Variants in ZNF682 observed in about 807,000 individuals in gnomAD.
ZNF682 encodes zinc finger protein 682.
A neutral mutation model predicts 36.5 loss-of-function variants in ZNF682; 29 were observed. The observed-to-expected ratio is 0.80, with a 90% CI of 0.59 to 1.08. The LOEUF is 1.08. ZNF682 is among the 50% of genes least tolerant of loss of function. The pLI is 0.00. For missense variants in ZNF682, 561 were observed against 579.7 expected (o/e 0.97, Z 0.33); for synonymous variants, 180 against 197.0 (o/e 0.91, Z 0.72).
In ZNF682 at chr19:20,018,078, C is replaced by CTTTTT. The variant is rs71172554; in HGVS notation, c.226+4921_226+4925dup. 6.0e-4 allele frequency among the ~76,000 whole-genome samples: 35 copies of CTTTTT among 58,678 alleles called. 3 individuals carry two copies. The highest frequency in any genetic ancestry group is 1.9e-3 in the East Asian group (3 of 1,598). The allele number at this position is 58,678 out of a possible 152,430, so 38.5% of individuals were successfully genotyped here. On this transcript the variant is annotated intron_variant, in intron 3 of 3. Transcript: ENST00000397165. The stretch of plus-strand genomic sequence containing the variant: ...GAAATATAGTTAAGATTCTCAAATT[C>CTTTTT]TTTTTTTTTTTTTTTTTTTTTTTTT...
chr19:19,997,415 T>A (rs17699447), intron 3 of ZNF682, among the ~76,000 whole-genome samples: 9,633 of 152,262 alleles, frequency 0.063, 508 homozygotes, highest in East Asian at 0.19. Flanking sequence ...TTGTTCTTCA[T>A]TGGTGAACCA....
intron 1 of ZNF682, among the ~76,000 whole-genome samples, chr19:20,035,564 C>T (rs1366172798): frequency 6.6e-6 from 1 of 151,986 alleles, no homozygotes; most frequent in Admixed American, 6.6e-5. Context: ...TTAGGATAAA[C>T]AATTTTAACA....
At chr19:20,008,502 C>T (rs1472649743) in intron 3 of ZNF682, among the ~76,000 whole-genome samples, 2 of 152,170 alleles carry the variant, frequency 1.3e-5, no homozygotes, top group East Asian at 3.9e-4. Context: ...ACCCATGGTG[C>T]AATTGCCCTG....
chr19:20,011,673 T>C (rs953309918), intron 3 of ZNF682, among the ~76,000 whole-genome samples: 4 of 152,178 alleles, frequency 2.6e-5, no homozygotes, highest in African/African-American at 7.2e-5. Context: ...AAAATTAAAC[T>C]TGTTCCTGAA....
In ZNF682 at chr19:19,998,072, C is replaced by A. The variant is rs1027607571; in HGVS notation, c.227-809G>T. Among the ~76,000 whole-genome samples, 6 of 152,296 alleles carry A rather than the reference C, an allele frequency of 3.9e-5. No individual in the cohort carries two copies. The East Asian group carries it at 7.7e-4, about 20-fold the overall frequency. ...CTTACACTCACCCTGTGCCAGCTAC[C>A]CTGGTGGACCCAACATGTGGTACAG... On this transcript the variant is annotated intron_variant, in intron 3 of 3. Transcript: ENST00000596019.
chr19:20,039,152 G>A, intron 1 of ZNF682, 191 bp downstream of exon 1: 4 of 1,398,068 alleles, frequency 2.9e-6, no homozygotes, highest in Non-Finnish European at 3.7e-6. Context: ...TGCCCGCCCA[G>A]GGTCCCGGCT....
At chr19:20,036,989 AAATCAATC>A (rs943855504) in intron 1 of ZNF682, among the ~76,000 whole-genome samples, 12 of 152,124 alleles carry the variant, frequency 7.9e-5, no homozygotes, top group African/African-American at 2.9e-4. Context: ...TGTCTCAAAA[AAATCAATC>A]AATCAATAAT....
intron 1 of ZNF682, among the ~76,000 whole-genome samples, chr19:20,028,819 G>A (rs551320097): frequency 6.6e-6 from 1 of 152,258 alleles, no homozygotes; most frequent in South Asian, 2.1e-4. Context: ...TGGAGCATGC[G>A]CTGTGTGCTC....
chr19:20,016,335 C>T (rs1004639142), intron 3 of ZNF682, among the ~76,000 whole-genome samples: 10 of 151,944 alleles, frequency 6.6e-5, no homozygotes, highest in African/African-American at 1.7e-4. Flanking sequence ...AATGATTCTT[C>T]GGAAATCAAT....
intron 1 of ZNF682, chr19:20,034,069 T>C (rs575357863): frequency 2.0e-4 from 31 of 154,536 alleles, no homozygotes; most frequent in Middle Eastern, 7.0e-4. Context: ...AAGAAAGAAA[T>C]TGAAAGCATA....
chr19:20,017,264 G>A (rs532524060), intron 3 of ZNF682, among the ~76,000 whole-genome samples: 28 of 152,242 alleles, frequency 1.8e-4, no homozygotes, highest in African/African-American at 6.5e-4. Flanking sequence ...CTTTAAAAAA[G>A]TAAAATAGCT....
intron 3 of ZNF682, chr19:20,007,476 T>C: frequency 1.9e-6 from 1 of 523,112 alleles, no homozygotes; most frequent in Non-Finnish European, 3.3e-6. Context: ...AAAAGCTTAA[T>C]TCAGAGGTAA....
At chr19:20,034,557 T>A (rs1376155864) in intron 1 of ZNF682, among the ~76,000 whole-genome samples, 2 of 151,886 alleles carry the variant, frequency 1.3e-5, no homozygotes, top group Non-Finnish European at 2.9e-5. Flanking sequence ...GGCGGACGGA[T>A]CACCTGAGGT....
At chr19:19,997,261 T>C (rs1229076911) in exon 4 of ZNF682, 1 of 398,476 alleles carries the variant, frequency 2.5e-6, no homozygotes, top group Non-Finnish European at 4.4e-6. Flanking sequence ...ACTCTGTAGG[T>C]ACCTGAAATG....
chr19:20,039,081 A>G (rs976272732), intron 1 of ZNF682: 78 of 1,312,698 alleles, frequency 5.9e-5, no homozygotes, highest in Non-Finnish European at 7.4e-5. Flanking sequence ...GGCAGACGCA[A>G]GAACGCGCGC....
downstream of ZNF682, among the ~76,000 whole-genome samples, chr19:20,001,498 C>T (rs556398035): frequency 1.1e-4 from 16 of 152,328 alleles, no homozygotes; most frequent in South Asian, 3.3e-3. Context: ...GTGGTTCAGT[C>T]TTTCAGTGCT....
intron 3 of ZNF682, among the ~76,000 whole-genome samples, chr19:20,016,367 G>A (rs1386035833): frequency 6.6e-6 from 1 of 152,124 alleles, no homozygotes; most frequent in Non-Finnish European, 1.5e-5. Context: ...GAAGATCCTT[G>A]TATTATCTGA....
At chr19:20,018,305 G>A (rs1358433152) in intron 3 of ZNF682, among the ~76,000 whole-genome samples, 1 of 151,196 alleles carries the variant, frequency 6.6e-6, no homozygotes, top group African/African-American at 2.4e-5. Flanking sequence ...GTTTTTAGCC[G>A]GGATGGTCTC....
intron 1 of ZNF682, among the ~76,000 whole-genome samples, chr19:20,034,948 C>T (rs7247483): frequency 0.78 from 118,943 of 151,582 alleles, 46,804 homozygotes; most frequent in Middle Eastern, 0.87. Context: ...ATCCAAAAAC[C>T]AGCCGGGCAT....
Sources: allele counts gnomAD v4.1 joint callset (sites outside exome capture counted in the v4.1 genomes callset), GRCh38; gene constraint gnomAD v4.1.1; transcripts MANE v1.5; gene names NCBI Gene and HGNC (gene_info 2026-07-23, HGNC 2026-07-21).